SLC28A3: variants seen among roughly 807,000 people sequenced by gnomAD.
SLC28A3 encodes the protein concentrative Na(+)-nucleoside cotransporter 3.
Under a neutral mutation model 84.2 loss-of-function variants are expected in SLC28A3, and 68 were observed. The observed-to-expected ratio is 0.81, with a 90% CI of 0.66 to 0.99. SLC28A3 has a LOEUF of 0.99. Among genes scored for constraint, SLC28A3 ranks in the 50% least tolerant of loss-of-function variants. The pLI is 0.00. For missense variants in SLC28A3, 712 were observed against 841.5 expected (o/e 0.85, Z 1.90); for synonymous variants, 267 against 303.6 (o/e 0.88, Z 1.25).
At chr9:84,336,316 A>G (rs1826974746) in intron 1 of SLC28A3, among the ~76,000 whole-genome samples, 1 of 149,436 alleles carries the variant, frequency 6.7e-6, no homozygotes, top group Non-Finnish European at 1.5e-5. Context: ...AGCCTGACCA[A>G]CGTTGTGAAA....
chr9:84,300,159 G>A (rs763333773), intron 5 of SLC28A3, among the ~76,000 whole-genome samples: 9 of 152,306 alleles, frequency 5.9e-5, no homozygotes, highest in South Asian at 2.1e-4. Context: ...TAGGTTGTGC[G>A]TTTAGAAACT....
intron 2 of SLC28A3, among the ~76,000 whole-genome samples, chr9:84,311,582 T>G (rs981361481): frequency 6.6e-6 from 1 of 151,770 alleles, no homozygotes; most frequent in South Asian, 2.1e-4. Flanking sequence ...CCAGGCGTGG[T>G]CACTCATGCC....
chr9:84,365,911 G>C, the SLC28A3 span, among the ~76,000 whole-genome samples: 226 of 152,242 alleles, frequency 1.5e-3, 1 homozygote, highest in Non-Finnish European at 7.5e-4. Context: ...TTAGCCAGGC[G>C]TGGTGGCACA....
chr9:84,343,569 CT>C (rs1268653426), upstream of SLC28A3, among the ~76,000 whole-genome samples: 1 of 152,096 alleles, frequency 6.6e-6, no homozygotes, highest in East Asian at 1.9e-4. Context: ...CCTTCTGCTG[CT>C]TTTATATGGC....
chr9:84,280,097 G>A, intron 15 of SLC28A3, 24 bp from the exon 16 acceptor site: 1 of 1,606,794 alleles, frequency 6.2e-7, no homozygotes, highest in Non-Finnish European at 8.5e-7. Flanking sequence ...AAGGAGGGAT[G>A]TGAGATCAAT....
In SLC28A3 at chr9:84,316,182, G is replaced by A. The variant is rs552772476; in HGVS notation, c.61-2728C>T. Among the ~76,000 whole-genome samples, 14 of 152,258 alleles carry A rather than the reference G, an allele frequency of 9.2e-5. No individual in the cohort carries two copies. The South Asian group carries it at 2.7e-3, about 29-fold the overall frequency. On this transcript the variant is annotated intron_variant, in intron 1 of 17. Transcript: ENST00000376238. ...TAGAGGGAGGCAGAGATGGACAGAG[G>A]CATTTTTATTTTCTTCCTTTCATTC... is the stretch of plus-strand genomic sequence containing the variant.
chr9:84,322,481 C>A (rs892946007), intron 1 of SLC28A3, among the ~76,000 whole-genome samples: 8 of 152,266 alleles, frequency 5.3e-5, no homozygotes, highest in Middle Eastern at 6.8e-3. Context: ...TTTCTAAAAT[C>A]ACCTTGACCA....
At chr9:84,348,850 C>A in the SLC28A3 span, among the ~76,000 whole-genome samples, 1 of 152,004 alleles carries the variant, frequency 6.6e-6, no homozygotes, top group African/African-American at 2.4e-5. Flanking sequence ...CCCTCTCCAG[C>A]GGCTAGTGCC....
At position 84,335,712 on chromosome 9, in the gene SLC28A3, C is replaced by CGTGTGTGT. The variant is rs56259271; in HGVS notation, c.60+4854_60+4861dup. ...CACTGTTTTCACAAGTATGTATATA[C>CGTGTGTGT]GTGTGTGTGTGTGTGTGTGTGTGTG... On this transcript the variant is annotated intron_variant, in intron 1 of 17. Transcript: ENST00000376238. Among the ~76,000 whole-genome samples the CGTGTGTGT allele has an allele frequency of 3.2e-3, 476 of 148,930 alleles. 2 individuals are homozygous for CGTGTGTGT. Among genetic ancestry groups the CGTGTGTGT allele is most frequent in the Non-Finnish European group, 5.2e-3 (350 of 67,176 alleles).
the SLC28A3 span, among the ~76,000 whole-genome samples, chr9:84,359,123 C>T: frequency 3.9e-5 from 6 of 152,196 alleles, no homozygotes; most frequent in Admixed American, 2.6e-4. Context: ...CCCGTCCTCT[C>T]CTTCTTGCTC....
the SLC28A3 span, among the ~76,000 whole-genome samples, chr9:84,368,467 G>T: frequency 6.6e-6 from 1 of 152,176 alleles, no homozygotes; most frequent in East Asian, 1.9e-4. Flanking sequence ...TATCGCTGCT[G>T]GTTGTTCAGG....
Position 84,290,199 on chromosome 9 carries a change from G to A in SLC28A3, c.1104C>T (p.Phe368=), listed in dbSNP as rs147535085. ...SELHAIMTAG[F]STIAGSVLGA... is the part of the protein sequence containing the mutation. ...CTAGCACGCTTCCAGCAATGGTAGA[G>A]AACCCGGCGGTCATGATGGCGTGGA... is the stretch of plus-strand genomic sequence containing the variant. Residue 368 remains phenylalanine, a synonymous_variant, in exon 11 of 18, where the codon TTC becomes TTT. Transcript: ENST00000376238. 2.5e-6 allele frequency: 4 copies of A among 1,614,068 alleles called. No individual in the cohort carries two copies. Among genetic ancestry groups the A allele is most frequent in the Non-Finnish European group, 2.5e-6 (3 of 1,180,020 alleles).
At chr9:84,279,502 C>A in intron 16 of SLC28A3, 117 bp from the exon 17 acceptor site, 1 of 801,848 alleles carries the variant, frequency 1.2e-6, no homozygotes. Flanking sequence ...AGTGTAGTGG[C>A]ATGATCTCTG....
chr9:84,290,430 G>A (rs953453406), intron 10 of SLC28A3, 151 bp from the exon 11 acceptor site: 13 of 910,766 alleles, frequency 1.4e-5, no homozygotes, highest in South Asian at 5.5e-5. Flanking sequence ...CTGGAAACTC[G>A]TTAGAAATGC....
At chr9:84,343,795 G>A (rs1017920669), upstream of SLC28A3, among the ~76,000 whole-genome samples, 2 of 152,098 alleles carry the variant, frequency 1.3e-5, no homozygotes, top group African/African-American at 4.8e-5. Context: ...AATACCACAC[G>A]GCTCAAAGAC....
intron 1 of SLC28A3, among the ~76,000 whole-genome samples, chr9:84,330,848 G>A (rs1463833887): frequency 1.3e-5 from 2 of 152,060 alleles, no homozygotes; most frequent in East Asian, 1.9e-4. Context: ...ACTTTATTTT[G>A]CATTTTTAAT....
the SLC28A3 span, among the ~76,000 whole-genome samples, chr9:84,366,087 G>A: frequency 1.3e-5 from 2 of 151,930 alleles, no homozygotes; most frequent in Admixed American, 1.3e-4. Flanking sequence ...GGTGCATTCG[G>A]GGTGGTATGG....
rs187090359 is a variant in SLC28A3 at position 84,276,074 on chromosome 9, A to G, written c.*2144T>C. ...TGAAATATGGAGTAACCAAGTAACA[A>G]ATTTTTAAATTTAAAACTGATACTC... On this transcript the variant is annotated 3_prime_UTR_variant, in exon 18 of 18. Transcript: ENST00000376238. 2.8e-4 allele frequency: 42 copies of G among 152,284 alleles called. No homozygotes were observed. Among genetic ancestry groups the G allele is most frequent in the Admixed American group, 5.9e-4 (9 of 15,298 alleles). The allele number at this position is 152,284 out of a possible 1,614,324, so 9.4% of individuals were successfully genotyped here.
At chr9:84,306,334 G>T (rs1156374920) in intron 3 of SLC28A3, among the ~76,000 whole-genome samples, 1 of 152,164 alleles carries the variant, frequency 6.6e-6, no homozygotes, top group African/African-American at 2.4e-5. Context: ...CTTGGCCAGT[G>T]CCTCCACTAC....
Sources: gnomAD v4.1 joint callset for allele counts (sites outside exome capture counted in the v4.1 genomes callset) on GRCh38, gnomAD v4.1.1 for gene constraint, MANE v1.5 for transcripts, NCBI Gene and HGNC (gene_info 2026-07-23, HGNC 2026-07-21) for gene names.